Variants in CENPE observed in about 807,000 individuals in gnomAD.
The protein encoded by CENPE is centromere-associated protein E.
In CENPE, 145 loss-of-function variants were observed where a neutral mutation model predicts 336.1. The ratio of observed to expected loss-of-function variants is 0.43; its 90% CI spans 0.38 to 0.50. The LOEUF is 0.50. CENPE is among the 20% of genes least tolerant of loss of function. CENPE has a pLI of 0.00. For missense variants in CENPE, 2,719 were observed against 3,023.3 expected, an observed-to-expected ratio of 0.90 and a Z score of 2.36; for synonymous variants, 1,013 against 984.8, an observed-to-expected ratio of 1.03 and a Z score of -0.54.
At chr4:103,190,256 A>T (rs1757178542) in intron 8 of CENPE, among the ~76,000 whole-genome samples, 1 of 152,232 alleles carries the variant, frequency 6.6e-6, no homozygotes, top group Non-Finnish European at 1.5e-5. Context: ...CCCATCAGCT[A>T]CCAATGACTT....
At chr4:103,180,497 A>C in intron 12 of CENPE, 28 bp from the exon 13 acceptor site, 1 of 1,520,736 alleles carries the variant, frequency 6.6e-7, no homozygotes, top group Non-Finnish European at 8.9e-7. Flanking sequence ...GGATTATGTT[A>C]ATAATAAATG....
At chr4:103,147,224 T>A (rs1186119766) in intron 29 of CENPE, 132 bp downstream of exon 29, 2 of 712,604 alleles carry the variant, frequency 2.8e-6, no homozygotes, top group African/African-American at 3.6e-5. Context: ...CTGTTTCTAG[T>A]CATTTCATGA....
intron 24 of CENPE, among the ~76,000 whole-genome samples, chr4:103,153,991 C>T (rs1265169330): frequency 2.0e-5 from 3 of 151,966 alleles, no homozygotes; most frequent in African/African-American, 7.2e-5. Context: ...TTCATTTATT[C>T]ATAAATAAGT....
At chr4:103,155,798 A>G (rs892704957) in intron 24 of CENPE, among the ~76,000 whole-genome samples, 4 of 152,206 alleles carry the variant, frequency 2.6e-5, no homozygotes, top group African/African-American at 9.6e-5. Context: ...AATGCAGCTC[A>G]TTTTATAGAA....
At chr4:103,187,500 T>A (rs994784840) in intron 8 of CENPE, among the ~76,000 whole-genome samples, 1 of 152,158 alleles carries the variant, frequency 6.6e-6, no homozygotes, top group African/African-American at 2.4e-5. Flanking sequence ...TATTCAACAT[T>A]CTTAAAGAAA....
At chr4:103,107,144 G>T (rs1316285291) in intron 48 of CENPE, among the ~76,000 whole-genome samples, 1 of 152,218 alleles carries the variant, frequency 6.6e-6, no homozygotes, top group African/African-American at 2.4e-5. Flanking sequence ...TGATGCTTAG[G>T]AGGATTGCTT....
At chr4:103,174,999 T>C in intron 15 of CENPE, 96 bp from the exon 16 acceptor site, 1 of 699,204 alleles carries the variant, frequency 1.4e-6, no homozygotes, top group Non-Finnish European at 2.2e-6. Flanking sequence ...ACTTTAACTT[T>C]GATTTGATAT....
chr4:103,149,806 T>C (rs1753392620), intron 26 of CENPE, among the ~76,000 whole-genome samples: 1 of 152,140 alleles, frequency 6.6e-6, no homozygotes, highest in Admixed American at 6.6e-5. Context: ...CACTGGAAGC[T>C]AGGAAGAAGT....
In CENPE at chr4:103,108,803, CT is replaced by C. The variant is rs780219610; in HGVS notation, c.8010del (p.Glu2671ArgfsTer90). On this transcript the variant is annotated frameshift_variant and splice_region_variant, in exon 48 of 49. Coordinates refer to ENST00000265148, the MANE Select transcript of CENPE (RefSeq NM_001813.3). LOFTEE classifies it low-confidence loss of function (END_TRUNC). ...YFDNSSLGLC[P>X]EVQNAGAESV... The stretch of plus-strand genomic sequence containing the variant: ...CCAAGTAACCAGTATATTTACTTAC[CT>C]GGACAAAGGCCTAAACTTGAGTTAT... The C allele has an allele frequency of 6.2e-7, 1 of 1,612,130 alleles. No homozygotes were observed.
At chr4:103,141,254 T>A in intron 35 of CENPE, 150 bp from the exon 36 acceptor site, 1 of 572,286 alleles carries the variant, frequency 1.7e-6, no homozygotes, top group Admixed American at 3.4e-5. Flanking sequence ...TTTTGAGGTA[T>A]AATATATATA....
intron 2 of CENPE, 62 bp downstream of exon 2, chr4:103,196,697 C>T: frequency 1.3e-6 from 1 of 782,700 alleles, no homozygotes; most frequent in Non-Finnish European, 2.2e-6. Context: ...TATTGATAAG[C>T]CTTTTGTACT....
chr4:103,160,185 A>C (rs1754316091), intron 21 of CENPE, among the ~76,000 whole-genome samples: 1 of 151,966 alleles, frequency 6.6e-6, no homozygotes. Context: ...CTGGCAGGCC[A>C]TGGATTTACA....
At position 103,149,169 on chromosome 4, in the gene CENPE, A is replaced by G. The variant is rs1391440162; in HGVS notation, c.3636T>C (p.Phe1212=). The part of the protein sequence containing the change: ...RKVLKELQKS[F]ETERDHLRGY... ...CTCTAAGGTGGTCTCTCTCTGTTTC[A>G]AATGACTTCTGTAATTCCTTTAGAA... is the stretch of plus-strand genomic sequence containing the variant. The change falls in exon 27 of 49, where the codon TTT becomes TTC. Residue 1212 remains phenylalanine (F), a synonymous_variant. Transcript: ENST00000265148. 6.2e-7 allele frequency: 1 copy of G among 1,609,082 alleles called. No individual in the cohort carries two copies. Among genetic ancestry groups the G allele is most frequent in the African/African-American group, 1.3e-5 (1 of 74,570 alleles).
Position 103,177,027 on chromosome 4 carries a change from A to G in CENPE, c.1262T>C (p.Val421Ala). The G allele has an allele frequency of 6.2e-7, 1 of 1,607,582 alleles. No individual in the cohort carries two copies. The highest frequency in any genetic ancestry group is 8.5e-7 in the Non-Finnish European group (1 of 1,178,114). ...QELKAKRKRR[V>A]TWCLGKINKM... The stretch of plus-strand genomic sequence containing the variant: ...GTTAATTTTGCCAAGGCACCAAGTA[A>G]CTCTTCGTTTTCTTTTAGCCTAAAG... Residue 421 changes from valine to alanine, a missense_variant, in exon 14 of 49, where the codon GTT (valine) becomes GCT (alanine). This residue lies in a region of CENPE where 117 missense variants were observed against 215.8 expected (regional missense o/e 0.54). Coordinates refer to ENST00000265148, the MANE Select transcript of CENPE (RefSeq NM_001813.3).
At chr4:103,120,455 G>T in intron 43 of CENPE, 122 bp from the exon 44 acceptor site, 1 of 745,522 alleles carries the variant, frequency 1.3e-6, no homozygotes, top group Non-Finnish European at 2.1e-6. Context: ...ATTAACAATG[G>T]ATAGAAGAGA....
intron 24 of CENPE, among the ~76,000 whole-genome samples, 199 bp downstream of exon 24, chr4:103,158,101 C>T (rs1265393897): frequency 6.6e-6 from 1 of 151,752 alleles, no homozygotes; most frequent in Non-Finnish European, 1.5e-5. Flanking sequence ...CATTTTTGGG[C>T]CCTTTCCCTT....
intron 26 of CENPE, among the ~76,000 whole-genome samples, chr4:103,150,803 A>AG (rs1395295498): frequency 6.6e-6 from 1 of 152,204 alleles, no homozygotes; most frequent in Non-Finnish European, 1.5e-5. Flanking sequence ...GAAATGATTC[A>AG]GGAAACTGCA....
At chr4:103,194,348 T>C in intron 7 of CENPE, 26 bp downstream of exon 7, 2 of 1,608,206 alleles carry the variant, frequency 1.2e-6, no homozygotes, top group South Asian at 2.2e-5. Context: ...CTTGGAAAGA[T>C]CTAACAGATA....
chr4:103,141,092 T>G lies in CENPE; in HGVS notation c.5476A>C (p.Lys1826Gln). ...GTAATAAGTTGATGTTCATTTGCCT[T>G]AAGTTCTTGAATCTTAAGATAATCA... ...AKLQEKIQEL[K>Q]ANEHQLITLK... The change falls in exon 36 of 49, where the codon AAG (lysine) becomes CAG (glutamine). Residue 1826 changes from lysine (K) to glutamine (Q), a missense_variant. Physicochemically the swap from Lys to Gln is moderately conservative, Grantham distance 53. Transcript: ENST00000265148. The G allele has an allele frequency of 6.5e-7, 1 of 1,546,568 alleles. No individual in the cohort carries two copies. The highest frequency in any genetic ancestry group is 8.8e-7 in the Non-Finnish European group (1 of 1,139,654).
Sources: allele counts gnomAD v4.1 joint callset (sites outside exome capture counted in the v4.1 genomes callset), GRCh38; gene constraint gnomAD v4.1.1; regional missense constraint gnomAD v4.1.1; transcripts MANE v1.5; gene names NCBI Gene and HGNC (gene_info 2026-07-23, HGNC 2026-07-21).